ZNF644: variants seen among roughly 807,000 people sequenced by gnomAD.
The protein encoded by ZNF644 is zinc finger motif enhancer binding protein 2.
Under a neutral mutation model 108.0 loss-of-function variants are expected in ZNF644, and 20 were observed. That is an observed-to-expected ratio of 0.19 (90% confidence interval 0.13 to 0.27). The LOEUF is 0.27. ZNF644 is among the 10% of genes least tolerant of loss of function. The pLI is 1.00. For synonymous variants in ZNF644, 542 were observed against 539.1 expected (o/e 1.01, Z -0.08); for missense variants, 1,338 against 1,548.9 (o/e 0.86, Z 2.29).
chr1:91,016,815 C>T (rs1404083798), intron 1 of ZNF644, among the ~76,000 whole-genome samples: 1 of 152,124 alleles, frequency 6.6e-6, no homozygotes, highest in Non-Finnish European at 1.5e-5. Flanking sequence ...AATATACTTA[C>T]GTTTCTAGAG....
chr1:90,965,719 A>G (rs1256309452), intron 2 of ZNF644, among the ~76,000 whole-genome samples: 1 of 152,152 alleles, frequency 6.6e-6, no homozygotes, highest in Non-Finnish European at 1.5e-5. Flanking sequence ...TTCATATCCA[A>G]TGCACTTTGT....
intron 1 of ZNF644, among the ~76,000 whole-genome samples, chr1:91,019,952 G>GT (rs939926541): frequency 6.6e-6 from 1 of 152,018 alleles, no homozygotes; most frequent in African/African-American, 2.4e-5. Flanking sequence ...ACATTCCCTT[G>GT]TTTTTTTAAC....
intron 2 of ZNF644, among the ~76,000 whole-genome samples, chr1:90,945,160 A>G (rs915950547): frequency 1.4e-4 from 22 of 152,258 alleles, no homozygotes; most frequent in Non-Finnish European, 2.1e-4. Flanking sequence ...TTTAAAAAAC[A>G]GAAGCTAATA....
intron 1 of ZNF644, among the ~76,000 whole-genome samples, chr1:91,005,772 G>T (rs533929291): frequency 5.3e-5 from 8 of 151,614 alleles, no homozygotes; most frequent in Admixed American, 2.0e-4. Flanking sequence ...TGAAGTAAAC[G>T]CAATGCTTAC....
At chr1:90,974,305 A>C (rs553161471) in intron 2 of ZNF644, among the ~76,000 whole-genome samples, 2 of 152,098 alleles carry the variant, frequency 1.3e-5, no homozygotes, top group East Asian at 3.9e-4. Flanking sequence ...CTCCAGCCTG[A>C]GGGATACAGC....
At chr1:90,936,661 T>A (rs149070441) in intron 4 of ZNF644, among the ~76,000 whole-genome samples, 63 of 152,296 alleles carry the variant, frequency 4.1e-4, no homozygotes, top group Non-Finnish European at 7.2e-4. Context: ...ACCTTCAACA[T>A]TAACCTTCAA....
chr1:91,016,065 C>T (rs1477919515), intron 1 of ZNF644, among the ~76,000 whole-genome samples: 2 of 152,146 alleles, frequency 1.3e-5, no homozygotes, highest in Non-Finnish European at 2.9e-5. Flanking sequence ...TTTATCATAT[C>T]CTGCCTCTTT....
At chr1:90,929,867 T>C (rs1181273769) in intron 4 of ZNF644, among the ~76,000 whole-genome samples, 1 of 152,206 alleles carries the variant, frequency 6.6e-6, no homozygotes, top group African/African-American at 2.4e-5. Flanking sequence ...ACTGACTTGA[T>C]TTTTTAAAAA....
chr1:90,987,677 A>AT (rs1435420115), intron 1 of ZNF644, among the ~76,000 whole-genome samples: 1 of 152,134 alleles, frequency 6.6e-6, no homozygotes, highest in Non-Finnish European at 1.5e-5. Flanking sequence ...AATTCATTCT[A>AT]TAAGGTCAGC....
chr1:90,960,346 G>A (rs1358094435), intron 2 of ZNF644, among the ~76,000 whole-genome samples: 1 of 152,098 alleles, frequency 6.6e-6, no homozygotes, highest in Non-Finnish European at 1.5e-5. Context: ...TGAACGTGGT[G>A]CATTTTAAGA....
Position 90,940,011 on chromosome 1 carries a change from T to C in ZNF644, c.1343A>G (p.Tyr448Cys), listed in dbSNP as rs1651779138. The change falls in exon 3 of 6, where the codon TAT becomes TGT. Residue 448 changes from tyrosine (Y) to cysteine (C), a missense_variant. Tyr to Cys is a radical substitution (Grantham distance 194). This residue lies in a region of ZNF644 where 80 missense variants were observed against 183.0 expected (regional missense o/e 0.44). Coordinates refer to ENST00000337393, the MANE Select transcript of ZNF644 (RefSeq NM_201269.3). ...HFRHLNVPRP[Y>C]ACRECGRTFR... ...TGTCCGTCCACATTCTCTACAAGCA[T>C]ATGGCCTTGGGACATTAAGATGGCG... 1.2e-6 allele frequency: 2 copies of C among 1,613,978 alleles called. No individual in the cohort carries two copies. The highest frequency in any genetic ancestry group is 1.7e-6 in the Non-Finnish European group (2 of 1,179,978).
chr1:91,018,944 A>C (rs1303647229), intron 1 of ZNF644, among the ~76,000 whole-genome samples: 2 of 152,246 alleles, frequency 1.3e-5, no homozygotes, highest in Non-Finnish European at 2.9e-5. Context: ...AAATAACCTG[A>C]AAGTGACTCT....
chr1:90,917,332 G>A (rs1198214069), intron 5 of ZNF644, among the ~76,000 whole-genome samples: 1 of 152,100 alleles, frequency 6.6e-6, no homozygotes, highest in Non-Finnish European at 1.5e-5. Context: ...AAATGGCATT[G>A]TGTCTATGTT....
intron 2 of ZNF644, among the ~76,000 whole-genome samples, chr1:90,960,477 CA>C (rs941310717): frequency 7.2e-5 from 11 of 152,080 alleles, no homozygotes; most frequent in African/African-American, 2.7e-4. Context: ...TGGCAGTCTT[CA>C]AATGTACACT....
intron 1 of ZNF644, among the ~76,000 whole-genome samples, chr1:90,987,903 A>G (rs903911478): frequency 3.3e-5 from 5 of 152,174 alleles, no homozygotes; most frequent in Admixed American, 3.3e-4. Context: ...AAATAGAAGG[A>G]AAGTTTAACA....
intron 1 of ZNF644, among the ~76,000 whole-genome samples, chr1:91,000,039 A>C (rs1032394803): frequency 2.6e-5 from 4 of 152,214 alleles, no homozygotes; most frequent in African/African-American, 9.7e-5. Flanking sequence ...TTCATAAAGC[A>C]AGTCCTTAGA....
intron 2 of ZNF644, among the ~76,000 whole-genome samples, chr1:90,975,565 G>A (rs1287089155): frequency 6.6e-6 from 1 of 150,892 alleles, no homozygotes; most frequent in Non-Finnish European, 1.5e-5. Flanking sequence ...AGCCTCCCAA[G>A]CAGCTGGGAT....
At chr1:91,013,003 T>C (rs1660101513) in intron 1 of ZNF644, among the ~76,000 whole-genome samples, 1 of 152,160 alleles carries the variant, frequency 6.6e-6, no homozygotes, top group Non-Finnish European at 1.5e-5. Context: ...TAGGCTTTGT[T>C]AGGATGTTTT....
At chr1:90,920,289 T>TA (rs1183409822) in intron 4 of ZNF644, among the ~76,000 whole-genome samples, 1 of 152,026 alleles carries the variant, frequency 6.6e-6, no homozygotes, top group Non-Finnish European at 1.5e-5. Context: ...AAACTCCTTT[T>TA]AAAATGCAAA....
Sources: gnomAD v4.1 joint callset for allele counts (sites outside exome capture counted in the v4.1 genomes callset) on GRCh38, gnomAD v4.1.1 for gene constraint, gnomAD v4.1.1 regional missense constraint, MANE v1.5 for transcripts, NCBI Gene and HGNC (gene_info 2026-07-23, HGNC 2026-07-21) for gene names.